Variants in TCF12 observed in about 807,000 individuals in gnomAD.
The protein encoded by TCF12 is transcription factor 12, also known as DNA-binding protein HTF4.
A neutral mutation model predicts 86.0 loss-of-function variants in TCF12; 45 were observed. The observed-to-expected ratio is 0.52, with a 90% confidence interval of 0.41 to 0.67. TCF12 has a LOEUF of 0.67. TCF12 is among the 30% of genes least tolerant of loss of function. The pLI is 0.00. For missense variants in TCF12, 881 were observed against 859.9 expected (o/e 1.02, Z -0.31); for synonymous variants, 330 against 299.6 (o/e 1.10, Z -1.05).
At chr15:56,933,043 A>G (rs1418145733) in intron 3 of TCF12, among the ~76,000 whole-genome samples, 1 of 152,222 alleles carries the variant, frequency 6.6e-6, no homozygotes, top group Non-Finnish European at 1.5e-5. Context: ...TGGGAAGAAT[A>G]TGAAATTTGA....
chr15:57,232,072 C>T (rs1276388085), intron 9 of TCF12, among the ~76,000 whole-genome samples: 1 of 152,082 alleles, frequency 6.6e-6, no homozygotes, highest in African/African-American at 2.4e-5. Context: ...AATGGCCTGC[C>T]TATTACAGCT....
chr15:57,090,528 A>G (rs1204532568), intron 4 of TCF12, among the ~76,000 whole-genome samples: 2 of 152,208 alleles, frequency 1.3e-5, no homozygotes, highest in East Asian at 1.9e-4. Context: ...ATGCATCTAT[A>G]AACAATTGTA....
chr15:56,924,159 A>G (rs2059907769), intron 3 of TCF12, among the ~76,000 whole-genome samples: 1 of 152,134 alleles, frequency 6.6e-6, no homozygotes, highest in South Asian at 2.1e-4. Context: ...ATGCAGTTGT[A>G]AGAAACTATA....
chr15:57,008,307 A>G (rs2064597838), intron 3 of TCF12, among the ~76,000 whole-genome samples: 1 of 151,746 alleles, frequency 6.6e-6, no homozygotes. Context: ...TATTGTCTTA[A>G]TTTTTTAAAA....
intron 8 of TCF12, among the ~76,000 whole-genome samples, chr15:57,216,842 T>A (rs2058351925): frequency 6.6e-6 from 1 of 152,056 alleles, no homozygotes; most frequent in Admixed American, 6.6e-5. Flanking sequence ...AAAAATGCTG[T>A]TTTGGAGCGA....
intron 16 of TCF12, among the ~76,000 whole-genome samples, chr15:57,257,430 C>T (rs763998368): frequency 1.3e-5 from 2 of 151,646 alleles, no homozygotes; most frequent in African/African-American, 2.4e-5. Context: ...AGGCCATTCT[C>T]GATGGATTGC....
intron 3 of TCF12, among the ~76,000 whole-genome samples, chr15:56,981,665 T>C (rs1338524442): frequency 6.6e-6 from 1 of 152,214 alleles, no homozygotes; most frequent in African/African-American, 2.4e-5. Context: ...TATATAACTT[T>C]TGACTCCTCC....
chr15:57,075,823 TC>T (rs1567370986), intron 4 of TCF12, among the ~76,000 whole-genome samples: 26 of 52,100 alleles, frequency 5.0e-4, no homozygotes, highest in South Asian at 1.7e-3. Flanking sequence ...TCTCTCTCTC[TC>T]TCTCTCTCTC....
chr15:56,954,742 T>A (rs1177288881), intron 3 of TCF12, among the ~76,000 whole-genome samples: 1 of 152,040 alleles, frequency 6.6e-6, no homozygotes, highest in African/African-American at 2.4e-5. Context: ...AACAACCCCA[T>A]CAAAAAGTTG....
chr15:57,088,109 A>G (rs1383941470), intron 4 of TCF12, among the ~76,000 whole-genome samples: 1 of 152,168 alleles, frequency 6.6e-6, no homozygotes, highest in Non-Finnish European at 1.5e-5. Flanking sequence ...TACTGGTCCC[A>G]TTGGTTGATC....
At chr15:56,927,502 C>T (rs1440074006) in intron 3 of TCF12, among the ~76,000 whole-genome samples, 2 of 152,084 alleles carry the variant, frequency 1.3e-5, no homozygotes, top group African/African-American at 4.8e-5. Context: ...ACATTTTCTC[C>T]TGTTATTAAC....
intron 3 of TCF12, among the ~76,000 whole-genome samples, chr15:56,989,383 T>C (rs1264811290): frequency 6.6e-6 from 1 of 152,216 alleles, no homozygotes; most frequent in South Asian, 2.1e-4. Context: ...GGAAAAACTG[T>C]GTTCTCCTAC....
chr15:56,992,755 A>G (rs577302733), intron 3 of TCF12, among the ~76,000 whole-genome samples: 2 of 152,336 alleles, frequency 1.3e-5, no homozygotes, highest in South Asian at 2.1e-4. Flanking sequence ...CTATCTTTTC[A>G]TGAGTTAGTT....
intron 3 of TCF12, among the ~76,000 whole-genome samples, chr15:57,054,319 A>G (rs1567328323): frequency 1.3e-5 from 2 of 152,214 alleles, no homozygotes; most frequent in Non-Finnish European, 2.9e-5. Context: ...ATTAAAATGT[A>G]CTTGATAGTT....
chr15:57,246,760 G>A (rs2059881178), intron 13 of TCF12, among the ~76,000 whole-genome samples: 1 of 152,036 alleles, frequency 6.6e-6, no homozygotes, highest in Non-Finnish European at 1.5e-5. Flanking sequence ...TTGCAAACTG[G>A]CTCTGACAGT....
At chr15:56,994,385 T>C (rs1247230739) in intron 3 of TCF12, among the ~76,000 whole-genome samples, 10 of 152,124 alleles carry the variant, frequency 6.6e-5, no homozygotes, top group Non-Finnish European at 1.2e-4. Context: ...AGTCAACATA[T>C]AGAAAGAATG....
At chr15:56,977,995 A>G (rs1309855822) in intron 3 of TCF12, among the ~76,000 whole-genome samples, 1 of 152,218 alleles carries the variant, frequency 6.6e-6, no homozygotes, top group Admixed American at 6.5e-5. Context: ...CCGCTGCACA[A>G]TAATTAAAAA....
At chr15:57,238,284 A>G (rs1271393987) in intron 12 of TCF12, among the ~76,000 whole-genome samples, 1 of 152,144 alleles carries the variant, frequency 6.6e-6, no homozygotes, top group Non-Finnish European at 1.5e-5. Flanking sequence ...TAGTGCTCTT[A>G]TATGACTCTA....
intron 3 of TCF12, among the ~76,000 whole-genome samples, chr15:56,998,759 C>T (rs184582812): frequency 6.6e-6 from 1 of 152,258 alleles, no homozygotes; most frequent in East Asian, 1.9e-4. Flanking sequence ...GGGAACAATG[C>T]TCTAAGACAG....
Sources: allele counts gnomAD v4.1 joint callset (sites outside exome capture counted in the v4.1 genomes callset), GRCh38; gene constraint gnomAD v4.1.1; transcripts MANE v1.5; gene names NCBI Gene and HGNC (gene_info 2026-07-23, HGNC 2026-07-21).